Variants in STARD7 observed in about 807,000 individuals in gnomAD.
STARD7 encodes StAR related lipid transfer domain containing 7.
A neutral mutation model predicts 45.3 loss-of-function variants in STARD7; 30 were observed. The ratio of observed to expected loss-of-function variants is 0.66; its 90% confidence interval spans 0.50 to 0.90. The LOEUF (loss-of-function observed/expected upper bound fraction) is 0.90, where lower values mean the gene tolerates loss of function less well. Ranked by LOEUF, STARD7 falls within the 40% of genes least tolerant of loss-of-function variation. STARD7 has a pLI of 0.00. For synonymous variants in STARD7, 199 were observed against 183.0 expected (o/e 1.09, Z -0.70); for missense variants, 495 against 491.3 (o/e 1.01, Z -0.07).
At position 96,208,785 on chromosome 2, in the gene STARD7, G is replaced by C; in HGVS notation, c.-351C>G. ...GGACAGAAACGAGACAGACAGCTCA[G>C]GCCCAGCAGCACGCAAGCTCCCGCG... On this transcript the variant is annotated 5_prime_UTR_variant, in exon 1 of 8. Coordinates refer to ENST00000337288, the MANE Select transcript of STARD7 (RefSeq NM_020151.4). The C allele has an allele frequency of 2.5e-6, 1 of 404,358 alleles. No homozygotes were observed. Among genetic ancestry groups the C allele is most frequent in the Non-Finnish European group, 4.4e-6 (1 of 228,086 alleles). The allele number at this position is 404,358 out of a possible 1,614,324, so 25.0% of individuals were successfully genotyped here. A position where few individuals can be genotyped will look rare whatever the true frequency, so the allele number is the denominator to read the frequency against.
intron 1 of STARD7, among the ~76,000 whole-genome samples, chr2:96,198,482 A>T (rs555352438): frequency 6.6e-6 from 1 of 152,322 alleles, no homozygotes; most frequent in South Asian, 2.1e-4. Flanking sequence ...AAACAATTAC[A>T]CTATTTTATA....
At chr2:96,190,509 T>A (rs1038734409) in intron 6 of STARD7, among the ~76,000 whole-genome samples, 4 of 152,150 alleles carry the variant, frequency 2.6e-5, no homozygotes, top group Non-Finnish European at 5.9e-5. Flanking sequence ...GGATAATTTT[T>A]GTACTTTTAG....
In STARD7 at chr2:96,208,312, G is replaced by C. The variant is rs768859533; in HGVS notation, c.123C>G (p.Ile41Met). Residue 41 changes from isoleucine (I) to methionine (M), a missense_variant, in exon 1 of 8, where the codon ATC becomes ATG. Ile to Met is a conservative substitution (Grantham distance 10, BLOSUM62 1). Around this residue, in one of 2 missense-constraint regions of STARD7, gnomAD observed 282 missense variants for 220.1 expected, o/e 1.28. Coordinates refer to ENST00000337288, the MANE Select transcript of STARD7 (RefSeq NM_020151.4). ...TGLRVRRAQQ[I>M]AQLYGRLYSE... ...AGTAGAGGCGGCCGTAGAGCTGCGC[G>C]ATCTGCTGCGCGCGCCGCACGCGCA... 5 of 1,607,500 alleles carry C rather than the reference G, an allele frequency of 3.1e-6. No individual in the cohort carries two copies. The highest frequency in any genetic ancestry group is 4.5e-5 in the East Asian group (2 of 44,670).
At chr2:96,191,782 T>C (rs936549514) in intron 6 of STARD7, among the ~76,000 whole-genome samples, 23 of 151,340 alleles carry the variant, frequency 1.5e-4, no homozygotes, top group Admixed American at 1.1e-3. Flanking sequence ...ACACAAGCAA[T>C]AGGGAGAAAC....
At chr2:96,197,512 C>A (rs546429231) in intron 1 of STARD7, among the ~76,000 whole-genome samples, 3 of 152,200 alleles carry the variant, frequency 2.0e-5, no homozygotes, top group Admixed American at 6.5e-5. Context: ...CAATTGATAT[C>A]TTTTGTCCGT....
chr2:96,188,368 T>A (rs1683070811), intron 6 of STARD7, among the ~76,000 whole-genome samples: 1 of 131,632 alleles, frequency 7.6e-6, no homozygotes, highest in South Asian at 2.6e-4. Flanking sequence ...CTCCACCTCC[T>A]GAGTTCAAGT....
intron 1 of STARD7, among the ~76,000 whole-genome samples, chr2:96,199,659 T>C (rs887396082): frequency 1.6e-4 from 24 of 152,260 alleles, no homozygotes; most frequent in African/African-American, 5.5e-4. Flanking sequence ...TTCCTTATGT[T>C]GCCTGATTTC....
intron 1 of STARD7, among the ~76,000 whole-genome samples, chr2:96,199,773 C>A (rs560839381): frequency 1.3e-5 from 2 of 152,194 alleles, no homozygotes; most frequent in African/African-American, 2.4e-5. Flanking sequence ...TTGCCATTAA[C>A]TACACTGTTA....
At chr2:96,203,554 C>T (rs1249340829) in intron 1 of STARD7, among the ~76,000 whole-genome samples, 1 of 152,198 alleles carries the variant, frequency 6.6e-6, no homozygotes, top group Non-Finnish European at 1.5e-5. Context: ...GAAACCATCC[C>T]TACAATTAGG....
Position 96,186,715 on chromosome 2 carries a change from T to C in STARD7, c.*15A>G, listed in dbSNP as rs770779119. 6.3e-7 allele frequency: 1 copy of C among 1,593,724 alleles called. No homozygotes were observed. Among genetic ancestry groups the C allele is most frequent in the South Asian group, 1.1e-5 (1 of 87,892 alleles). ...AGGGCTAGAAGCACCTTGTCCCTTCTTATCCCAAAGCCTGTCAAGCATACT... is the reference window on the plus strand; with the variant it reads ...AGGGCTAGAAGCACCTTGTCCCTTCCTATCCCAAAGCCTGTCAAGCATACT... On this transcript the variant is annotated 3_prime_UTR_variant, in exon 8 of 8. Coordinates refer to ENST00000337288, the MANE Select transcript of STARD7 (RefSeq NM_020151.4).
chr2:96,191,495 C>G (rs559063158), intron 6 of STARD7, among the ~76,000 whole-genome samples: 1 of 152,178 alleles, frequency 6.6e-6, no homozygotes, highest in Non-Finnish European at 1.5e-5. Context: ...CCTCTGTACA[C>G]AGTCAATGCA....
chr2:96,208,319 T>G lies in STARD7; in HGVS notation c.116A>C (p.Gln39Pro), dbSNP rs748441449. The stretch of plus-strand genomic sequence containing the variant: ...GCGGCCGTAGAGCTGCGCGATCTGC[T>G]GCGCGCGCCGCACGCGCAGGCCCGT... ...FVTGLRVRRA[Q>P]QIAQLYGRLY... The change falls in exon 1 of 8, where the codon CAG (glutamine) becomes CCG (proline). Residue 39 changes from glutamine to proline, a missense_variant. Gln to Pro is a moderately conservative substitution (Grantham distance 76, BLOSUM62 -1). Around this residue, in one of 2 missense-constraint regions of STARD7, gnomAD observed 282 missense variants for 220.1 expected, o/e 1.28. Transcript: ENST00000337288. The G allele has an allele frequency of 6.2e-7, 1 of 1,606,306 alleles. No homozygotes were observed. Among genetic ancestry groups the G allele is most frequent in the Non-Finnish European group, 8.5e-7 (1 of 1,178,166 alleles).
intron 1 of STARD7, among the ~76,000 whole-genome samples, chr2:96,201,715 T>C (rs1683308230): frequency 6.6e-6 from 1 of 151,088 alleles, no homozygotes. Context: ...CAAGAATCTG[T>C]TGAACCCAGG....
intron 1 of STARD7, among the ~76,000 whole-genome samples, chr2:96,197,614 T>C (rs539099667): frequency 1.1e-4 from 16 of 152,334 alleles, no homozygotes; most frequent in African/African-American, 3.6e-4. Context: ...TTCATTCTTT[T>C]ACAGTGTACA....
intron 1 of STARD7, among the ~76,000 whole-genome samples, chr2:96,203,250 T>C (rs1683334005): frequency 1.3e-5 from 2 of 152,202 alleles, no homozygotes; most frequent in African/African-American, 2.4e-5. Flanking sequence ...TTGGATGGGA[T>C]GGGTGGCTAA....
chr2:96,196,217 C>T (rs1405427942), intron 1 of STARD7, among the ~76,000 whole-genome samples: 1 of 152,068 alleles, frequency 6.6e-6, no homozygotes, highest in East Asian at 1.9e-4. Flanking sequence ...GTAGTCCCAG[C>T]ACTTTGGGAG....
intron 1 of STARD7, among the ~76,000 whole-genome samples, chr2:96,197,061 C>T (rs1170150626): frequency 4.4e-5 from 3 of 68,416 alleles, no homozygotes; most frequent in East Asian, 6.1e-4. Flanking sequence ...AGCGAAACTC[C>T]GTCTCAAAAT....
chr2:96,206,009 G>C (rs1683382741), intron 1 of STARD7, among the ~76,000 whole-genome samples: 1 of 152,154 alleles, frequency 6.6e-6, no homozygotes. Context: ...CTGAACTCCT[G>C]AAATTCCAAA....
At chr2:96,192,691 A>C (rs146327269) in intron 5 of STARD7, among the ~76,000 whole-genome samples, 1 of 152,200 alleles carries the variant, frequency 6.6e-6, no homozygotes, top group African/African-American at 2.4e-5. Context: ...AAGCCAAGGA[A>C]GGAAGATCAC....
Sources: allele counts gnomAD v4.1 joint callset (sites outside exome capture counted in the v4.1 genomes callset), GRCh38; gene constraint gnomAD v4.1.1; regional missense constraint gnomAD v4.1.1; transcripts MANE v1.5; gene names NCBI Gene and HGNC (gene_info 2026-07-23, HGNC 2026-07-21).